ZBTB20: variants seen among roughly 807,000 people sequenced by gnomAD.
ZBTB20 encodes zinc finger and BTB domain containing 20.
ZBTB20 carries 9 observed loss-of-function variants against 56.9 expected under a neutral mutation model. That is an observed-to-expected ratio of 0.16 (90% CI 0.10 to 0.28). The LOEUF (loss-of-function observed/expected upper bound fraction) is 0.28. Among genes scored for constraint, ZBTB20 ranks in the 10% least tolerant of loss-of-function variants. The pLI, the probability that ZBTB20 is intolerant of heterozygous loss-of-function variation, is 1.00. For synonymous variants in ZBTB20, 417 were observed against 420.7 expected, an observed-to-expected ratio of 0.99 and a Z score of 0.11; for missense variants, 655 against 1,003.0, an observed-to-expected ratio of 0.65 and a Z score of 4.69.
At chr3:114,667,399 C>T (rs1220736946) in intron 6 of ZBTB20, among the ~76,000 whole-genome samples, 3 of 152,014 alleles carry the variant, frequency 2.0e-5, no homozygotes, top group African/African-American at 4.8e-5. Flanking sequence ...TCAATGTGAT[C>T]TGATTGCAGG....
chr3:114,720,907 A>T (rs1278038708), intron 5 of ZBTB20, among the ~76,000 whole-genome samples: 12 of 152,176 alleles, frequency 7.9e-5, no homozygotes, highest in Admixed American at 7.9e-4. Flanking sequence ...TTAGAGAGAA[A>T]ATCATCACTG....
intron 7 of ZBTB20, among the ~76,000 whole-genome samples, chr3:114,452,592 G>GT (rs2091691851): frequency 6.6e-6 from 1 of 152,104 alleles, no homozygotes; most frequent in Non-Finnish European, 1.5e-5. Context: ...AGCCAGGAGG[G>GT]TTTTTTGATG....
At chr3:114,865,713 TTAC>T (rs2075738534) in intron 4 of ZBTB20, among the ~76,000 whole-genome samples, 7 of 152,184 alleles carry the variant, frequency 4.6e-5, no homozygotes, top group African/African-American at 7.2e-5. Context: ...TTCATAAATC[TTAC>T]TTACCCATAT....
At chr3:114,577,800 A>G (rs2054244493) in intron 6 of ZBTB20, among the ~76,000 whole-genome samples, 1 of 152,240 alleles carries the variant, frequency 6.6e-6, no homozygotes, top group Admixed American at 6.5e-5. Flanking sequence ...AAATATTCAT[A>G]TAAGAATGAA....
chr3:114,590,273 T>G (rs1056220795), intron 6 of ZBTB20, among the ~76,000 whole-genome samples: 1 of 151,954 alleles, frequency 6.6e-6, no homozygotes, highest in African/African-American at 2.4e-5. Context: ...ACGGCCAACA[T>G]GGTGAAACCC....
At chr3:114,434,558 T>TTTTGTGTGTGTGTGTG (rs2090374381) in intron 7 of ZBTB20, among the ~76,000 whole-genome samples, 1 of 145,944 alleles carries the variant, frequency 6.9e-6, no homozygotes, top group South Asian at 2.2e-4. Flanking sequence ...GTGTGTGTGT[T>TTTTGTGTGTGTGTGTG]TGTGTGTGTG....
intron 6 of ZBTB20, chr3:114,529,572 C>G (rs1008900666): frequency 3.3e-5 from 5 of 152,166 alleles, no homozygotes; most frequent in Admixed American, 1.3e-4. Context: ...AGTGTACCCA[C>G]AGAACTCTAG....
At chr3:114,682,487 T>A (rs1346657923) in intron 6 of ZBTB20, among the ~76,000 whole-genome samples, 3 of 152,188 alleles carry the variant, frequency 2.0e-5, no homozygotes, top group Non-Finnish European at 4.4e-5. Context: ...GTGATAGAGC[T>A]GGAATAGAAT....
At chr3:114,866,554 A>G (rs773032419) in intron 4 of ZBTB20, among the ~76,000 whole-genome samples, 3 of 152,194 alleles carry the variant, frequency 2.0e-5, no homozygotes, top group Non-Finnish European at 4.4e-5. Context: ...TTCAGTGAGA[A>G]TGTTTCTGGA....
At chr3:114,747,364 G>A (rs1030405574) in intron 5 of ZBTB20, among the ~76,000 whole-genome samples, 3 of 152,020 alleles carry the variant, frequency 2.0e-5, no homozygotes, top group Non-Finnish European at 4.4e-5. Context: ...TCAGGAGCTC[G>A]AGACCAGCCT....
chr3:114,734,453 AG>A (rs1177606960), intron 5 of ZBTB20, among the ~76,000 whole-genome samples: 2 of 152,114 alleles, frequency 1.3e-5, no homozygotes, highest in African/African-American at 4.8e-5. Context: ...CATATAGTAT[AG>A]TACAGAAAGT....
chr3:114,490,428 G>A (rs1338979082), intron 7 of ZBTB20, among the ~76,000 whole-genome samples: 9 of 151,902 alleles, frequency 5.9e-5, no homozygotes, highest in Admixed American at 3.3e-4. Flanking sequence ...TCACTGTGTT[G>A]GCCAGGCTGG....
chr3:114,695,258 T>C (rs890095184), intron 5 of ZBTB20, among the ~76,000 whole-genome samples: 15 of 152,032 alleles, frequency 9.9e-5, no homozygotes, highest in Admixed American at 2.6e-4. Flanking sequence ...TTTTCTTGCA[T>C]GTCCAAGTAA....
chr3:114,994,016 G>C (rs964808805), intron 2 of ZBTB20, among the ~76,000 whole-genome samples: 13 of 151,584 alleles, frequency 8.6e-5, no homozygotes, highest in African/African-American at 3.1e-4. Context: ...TATTTTTTCA[G>C]TATTCAACCC....
At chr3:114,999,150 G>A (rs1432406709) in intron 2 of ZBTB20, among the ~76,000 whole-genome samples, 2 of 144,116 alleles carry the variant, frequency 1.4e-5, no homozygotes, top group Non-Finnish European at 3.1e-5. Context: ...GAAAGGGAGA[G>A]GGAGAGAGAA....
chr3:114,703,887 C>A (rs544249520), intron 5 of ZBTB20, among the ~76,000 whole-genome samples: 1 of 152,262 alleles, frequency 6.6e-6, no homozygotes, highest in East Asian at 1.9e-4. Flanking sequence ...GCAAGAGTTG[C>A]AAATCACAGC....
chr3:114,756,195 T>C (rs968156573), intron 5 of ZBTB20, among the ~76,000 whole-genome samples: 1 of 152,164 alleles, frequency 6.6e-6, no homozygotes, highest in Non-Finnish European at 1.5e-5. Context: ...TGTATGTGTA[T>C]TTGGTATTTA....
chr3:114,557,640 C>A (rs185063755), intron 6 of ZBTB20, among the ~76,000 whole-genome samples: 59 of 152,030 alleles, frequency 3.9e-4, no homozygotes, highest in Non-Finnish European at 6.9e-4. Flanking sequence ...TCTCTTCATA[C>A]TTACCCTGGA....
chr3:114,841,650 C>A (rs540485774), intron 4 of ZBTB20, among the ~76,000 whole-genome samples: 7 of 152,064 alleles, frequency 4.6e-5, no homozygotes, highest in African/African-American at 1.7e-4. Flanking sequence ...AAGGTAATGT[C>A]AAGTTTCTAA....
Sources: allele counts gnomAD v4.1 joint callset (sites outside exome capture counted in the v4.1 genomes callset), GRCh38; gene constraint gnomAD v4.1.1; transcripts MANE v1.5; gene names NCBI Gene and HGNC (gene_info 2026-07-23, HGNC 2026-07-21).